Variants in NELL1 observed in about 807,000 individuals in gnomAD.
NELL1 encodes the protein protein kinase C-binding protein NELL1.
A neutral mutation model predicts 107.4 loss-of-function variants in NELL1; 76 were observed. That is an observed-to-expected ratio of 0.71 (90% CI 0.59 to 0.86). NELL1 has a LOEUF of 0.86. Ranked by LOEUF, NELL1 falls within the 40% of genes least tolerant of loss-of-function variation. The pLI, the probability that NELL1 is intolerant of heterozygous loss-of-function variation, is 0.00. For synonymous variants in NELL1, 353 were observed against 341.2 expected (o/e 1.03, Z -0.38); for missense variants, 1,024 against 1,005.5 (o/e 1.02, Z -0.25).
chr11:20,755,550 G>GTTTTTTTTTTTTTTTTTTTTT (rs1226891368), intron 2 of NELL1, among the ~76,000 whole-genome samples: 2 of 114,566 alleles, frequency 1.7e-5, no homozygotes, highest in African/African-American at 8.9e-5. Context: ...GTTTTTTTTT[G>GTTTTTTTTTTTTTTTTTTTTT]TTTTTGTTTT....
Position 21,458,411 on chromosome 11 carries a change from T to G in NELL1, c.1646-75963T>G, listed in dbSNP as rs77391968. ...TCAGAGATGTAGATAAAGATTTATG[T>G]ACAAAGATAATAATCACAGAATCAT... On this transcript the variant is annotated intron_variant, in intron 15 of 19. Transcript: ENST00000357134. Among the ~76,000 whole-genome samples, 498 of 152,248 alleles carry G rather than the reference T, an allele frequency of 3.3e-3. 4 individuals are homozygous for G. Among genetic ancestry groups the G allele is most frequent in the African/African-American group, 0.012 (483 of 41,562 alleles).
intron 13 of NELL1, among the ~76,000 whole-genome samples, chr11:21,148,910 T>C (rs1856047778): frequency 6.6e-6 from 1 of 152,202 alleles, no homozygotes; most frequent in African/African-American, 2.4e-5. Context: ...AAATTCTGCA[T>C]ATGGAAAACT....
chr11:21,339,632 A>G (rs1565176525), intron 14 of NELL1, among the ~76,000 whole-genome samples: 1 of 152,182 alleles, frequency 6.6e-6, no homozygotes, highest in Non-Finnish European at 1.5e-5. Flanking sequence ...TCTCCAGGCA[A>G]TCAGGGTCCG....
At chr11:21,183,751 C>A (rs1242784202) in intron 13 of NELL1, among the ~76,000 whole-genome samples, 1 of 151,632 alleles carries the variant, frequency 6.6e-6, no homozygotes, top group East Asian at 1.9e-4. Context: ...CCATGCCGAC[C>A]CAACAGATAT....
intron 12 of NELL1, among the ~76,000 whole-genome samples, chr11:20,962,950 G>T (rs1311614554): frequency 6.6e-6 from 1 of 152,162 alleles, no homozygotes; most frequent in African/African-American, 2.4e-5. Context: ...CATAGCTCAT[G>T]GGTTAAAGCA....
At position 21,229,407 on chromosome 11, in the gene NELL1, G is replaced by A; in HGVS notation, c.1502G>A (p.Ser501Asn). 6.2e-7 allele frequency: 1 copy of A among 1,614,014 alleles called. No individual in the cohort carries two copies. Among genetic ancestry groups the A allele is most frequent in the Non-Finnish European group, 8.5e-7 (1 of 1,179,916 alleles). ...TGCACCAACACTGTCCAGGGACACA[G>A]CTGCACCTGCAAACCGGGCTACGTG... ...AICTNTVQGH[S>N]CTCKPGYVGN... Residue 501 changes from serine to asparagine, a missense_variant, in exon 14 of 20, where the codon AGC (serine) becomes AAC (asparagine). By Grantham distance (46) the Ser-to-Asn change is conservative. Transcript: ENST00000357134.
intron 2 of NELL1, among the ~76,000 whole-genome samples, chr11:20,704,919 C>T (rs955879720): frequency 5.9e-5 from 9 of 152,070 alleles, no homozygotes; most frequent in Non-Finnish European, 1.2e-4. Context: ...ACAATTGCTT[C>T]AAAGAGAATA....
At position 20,873,347 on chromosome 11, in the gene NELL1, C is replaced by G. The variant is rs1220305507; in HGVS notation, c.507-12097C>G. 3.3e-5 allele frequency among the ~76,000 whole-genome samples: 5 copies of G among 152,276 alleles called. No homozygotes were observed. In the South Asian group the frequency reaches 6.2e-4, roughly 19 times the overall value. On this transcript the variant is annotated intron_variant, in intron 4 of 19. Coordinates refer to ENST00000357134, the MANE Select transcript of NELL1 (RefSeq NM_006157.5). ...CACCTCTTTTATAGAAATTGTGAAG[C>G]TAACACTAGATACTATGTTCTAACC...
At chr11:20,764,863 G>A (rs1856497295) in intron 2 of NELL1, among the ~76,000 whole-genome samples, 1 of 152,088 alleles carries the variant, frequency 6.6e-6, no homozygotes, top group African/African-American at 2.4e-5. Context: ...GGGGGCTGCT[G>A]TTTAAATTGG....
chr11:21,078,352 T>G (rs1854189764), intron 12 of NELL1, among the ~76,000 whole-genome samples: 1 of 151,922 alleles, frequency 6.6e-6, no homozygotes, highest in Non-Finnish European at 1.5e-5. Flanking sequence ...TAATTTAAAA[T>G]AAAGACCCCA....
intron 13 of NELL1, among the ~76,000 whole-genome samples, chr11:21,165,467 A>C (rs35773691): frequency 1.3e-5 from 2 of 152,250 alleles, no homozygotes; most frequent in South Asian, 4.2e-4. Context: ...CTTTTCAATA[A>C]ATGAACTCTT....
At chr11:20,769,497 T>G (rs982299900) in intron 2 of NELL1, 3 of 152,264 alleles carry the variant, frequency 2.0e-5, no homozygotes, top group Admixed American at 2.0e-4. Context: ...CTAAAAATAC[T>G]GGCCAGATAT....
intron 12 of NELL1, among the ~76,000 whole-genome samples, chr11:21,046,950 C>T (rs1366895265): frequency 6.6e-6 from 1 of 151,310 alleles, no homozygotes. Flanking sequence ...TACTTGGGCT[C>T]AAGTGATACT....
chr11:21,276,391 TAA>T (rs2133941475), intron 14 of NELL1, among the ~76,000 whole-genome samples: 1 of 152,156 alleles, frequency 6.6e-6, no homozygotes, highest in South Asian at 2.1e-4. Context: ...CTCAATGAAA[TAA>T]AAGAGGATAC....
chr11:20,969,287 A>T (rs1036709294), intron 12 of NELL1, among the ~76,000 whole-genome samples: 6 of 152,076 alleles, frequency 3.9e-5, no homozygotes, highest in African/African-American at 1.4e-4. Flanking sequence ...CTTTCTCTCC[A>T]AGCAAAATTC....
intron 13 of NELL1, among the ~76,000 whole-genome samples, chr11:21,147,967 C>T (rs907455461): frequency 1.3e-4 from 19 of 150,828 alleles, no homozygotes; most frequent in Admixed American, 4.6e-4. Context: ...AGTTAAGCTA[C>T]GCAGGCAATA....
intron 15 of NELL1, among the ~76,000 whole-genome samples, chr11:21,411,854 C>T (rs764765514): frequency 6.6e-6 from 1 of 151,944 alleles, no homozygotes; most frequent in Non-Finnish European, 1.5e-5. Flanking sequence ...TCAGACAGTG[C>T]CTTGTTAGGA....
At chr11:21,507,146 TG>T (rs2133939659) in intron 15 of NELL1, among the ~76,000 whole-genome samples, 1 of 152,350 alleles carries the variant, frequency 6.6e-6, no homozygotes, top group South Asian at 2.1e-4. Context: ...TCAAGACTGC[TG>T]AACTCCTTCA....
intron 16 of NELL1, among the ~76,000 whole-genome samples, chr11:21,539,008 C>G (rs139186928): frequency 6.6e-6 from 1 of 152,084 alleles, no homozygotes; most frequent in Admixed American, 6.6e-5. Flanking sequence ...TGACTATCCC[C>G]ATAGCCCCAT....
Sources: allele counts gnomAD v4.1 joint callset (sites outside exome capture counted in the v4.1 genomes callset), GRCh38; gene constraint gnomAD v4.1.1; transcripts MANE v1.5; gene names NCBI Gene and HGNC (gene_info 2026-07-23, HGNC 2026-07-21).